The following PLPP1 variants were observed in gnomAD, a reference collection of about 807,000 sequenced individuals.
PLPP1 encodes the protein lipid phosphate phosphohydrolase 1a.
A neutral mutation model predicts 31.2 loss-of-function variants in PLPP1; 24 were observed. That is an observed-to-expected ratio of 0.77 (90% confidence interval 0.56 to 1.08). The LOEUF (loss-of-function observed/expected upper bound fraction) is 1.08, where lower values mean the gene tolerates loss of function less well. Among genes scored for constraint, PLPP1 ranks in the 50% least tolerant of loss-of-function variants. The pLI is 0.00. For synonymous variants in PLPP1, 146 were observed against 126.3 expected (o/e 1.16, Z -1.05); for missense variants, 319 against 342.7 (o/e 0.93, Z 0.55).
At chr5:55,487,438 C>A (rs796657929) in intron 1 of PLPP1, among the ~76,000 whole-genome samples, 48 of 148,000 alleles carry the variant, frequency 3.2e-4, no homozygotes, top group Non-Finnish European at 3.0e-4. Context: ...AACCCAAAAA[C>A]AAAAAAAAAA....
At chr5:55,493,001 A>G (rs1752927080) in intron 1 of PLPP1, among the ~76,000 whole-genome samples, 1 of 152,174 alleles carries the variant, frequency 6.6e-6, no homozygotes, top group African/African-American at 2.4e-5. Context: ...AGTATAATAC[A>G]TGTTGTGTTC....
intron 4 of PLPP1, among the ~76,000 whole-genome samples, chr5:55,432,136 G>T (rs1244554030): frequency 6.8e-6 from 1 of 147,660 alleles, no homozygotes; most frequent in Non-Finnish European, 1.5e-5. Context: ...TAGAGACAGG[G>T]TCTTGCTATG....
intron 1 of PLPP1, among the ~76,000 whole-genome samples, chr5:55,479,545 C>G (rs1379993432): frequency 6.6e-6 from 1 of 152,170 alleles, no homozygotes; most frequent in Non-Finnish European, 1.5e-5. Flanking sequence ...GCAAACAACA[C>G]TGAGCCATGT....
intron 1 of PLPP1, among the ~76,000 whole-genome samples, chr5:55,475,815 T>C (rs1752537530): frequency 6.6e-6 from 1 of 152,222 alleles, no homozygotes; most frequent in Non-Finnish European, 1.5e-5. Flanking sequence ...CAATTTTTCA[T>C]GGGCTTTGCT....
At chr5:55,530,888 G>A (rs1438855124) in intron 1 of PLPP1, among the ~76,000 whole-genome samples, 1 of 152,226 alleles carries the variant, frequency 6.6e-6, no homozygotes, top group East Asian at 1.9e-4. Context: ...GGGGATGGGG[G>A]AACAAGGCGA....
Position 55,425,248 on chromosome 5 carries a change from T to A in PLPP1, c.813A>T (p.Thr271=). The A allele has an allele frequency of 6.2e-7, 1 of 1,613,940 alleles. No homozygotes were observed. Among genetic ancestry groups the A allele is most frequent in the Non-Finnish European group, 8.5e-7 (1 of 1,179,926 alleles). Residue 271 remains threonine, a synonymous_variant, in exon 6 of 6, where the codon ACA becomes ACT. Transcript: ENST00000307259. ...EEDSHTTLHE[T]PTTGNHYPSN... is the part of the protein sequence containing the mutation. ...TCGGATAGTGATTCCCAGTTGTTGG[T>A]GTTTCATGCAGAGTTGTATGAGAGT...
At chr5:55,468,443 TAAAC>T (rs1752351624) in intron 2 of PLPP1, among the ~76,000 whole-genome samples, 1 of 152,000 alleles carries the variant, frequency 6.6e-6, no homozygotes, top group African/African-American at 2.4e-5. Flanking sequence ...TGTATTCAAA[TAAAC>T]AGAGCTTTAA....
chr5:55,491,010 C>T lies in PLPP1; in HGVS notation c.59-15560G>A, dbSNP rs760383847. On this transcript the variant is annotated intron_variant, in intron 1 of 5. Coordinates refer to ENST00000307259, the MANE Select transcript of PLPP1 (RefSeq NM_003711.4). ...ACTAGGATGAGGACAGTGGATGTGA[C>T]GGTACTGTCATGGTACGGATAGTTG... The T allele has an allele frequency of 8.1e-6, 13 of 1,613,156 alleles. No homozygotes were observed. The highest frequency in any genetic ancestry group is 3.3e-5 in the Admixed American group (2 of 59,990).
intron 1 of PLPP1, among the ~76,000 whole-genome samples, chr5:55,513,480 C>T (rs1416977881): frequency 6.6e-6 from 1 of 151,930 alleles, no homozygotes; most frequent in Non-Finnish European, 1.5e-5. Flanking sequence ...CCATGTTGTC[C>T]AGGCTGGTCT....
intron 1 of PLPP1, 38 bp from the exon 2 acceptor site, chr5:55,475,488 G>A: frequency 6.5e-7 from 1 of 1,527,910 alleles, no homozygotes; most frequent in Non-Finnish European, 8.9e-7. Flanking sequence ...CATTAAAAAA[G>A]AAATATCAAA....
At chr5:55,489,512 A>G (rs1044749389) in intron 1 of PLPP1, among the ~76,000 whole-genome samples, 5 of 152,170 alleles carry the variant, frequency 3.3e-5, no homozygotes, top group African/African-American at 1.2e-4. Flanking sequence ...TTCTCATTTT[A>G]CTCCCATAAA....
chr5:55,432,796 G>T (rs1751390020), intron 4 of PLPP1, among the ~76,000 whole-genome samples: 1 of 51,786 alleles, frequency 1.9e-5, no homozygotes. Context: ...ATCCCTTCAT[G>T]ATTTAAAAAA....
rs149466251 is a variant in PLPP1, at chr5:55,441,930, T to A, written c.492-22A>T. 4,611 of 1,608,732 alleles carry A rather than the reference T, an allele frequency of 2.9e-3. 124 individuals are homozygous for A. The Admixed American group carries it at 0.05, about 17-fold the overall frequency. ...CAACCTGGAAGAAAAAGAAGACAAA[T>A]GTTACTTTTCTCTCTTAGGAGCCAA... On this transcript the variant is annotated intron_variant, in intron 3 of 5. Coordinates refer to ENST00000307259, the MANE Select transcript of PLPP1 (RefSeq NM_003711.4).
At chr5:55,524,813 C>A (rs913984589) in intron 1 of PLPP1, among the ~76,000 whole-genome samples, 6 of 151,442 alleles carry the variant, frequency 4.0e-5, no homozygotes, top group African/African-American at 9.7e-5. Flanking sequence ...TACGTCCCCC[C>A]CCAAAAAAAA....
At chr5:55,475,146 G>A (rs1240529227) in intron 2 of PLPP1, among the ~76,000 whole-genome samples, 153 bp downstream of exon 2, 3 of 152,148 alleles carry the variant, frequency 2.0e-5, no homozygotes, top group African/African-American at 7.2e-5. Context: ...ACTTAAAATA[G>A]CTGAGATTCT....
At chr5:55,451,469 C>T (rs1751889386) in intron 3 of PLPP1, among the ~76,000 whole-genome samples, 1 of 152,100 alleles carries the variant, frequency 6.6e-6, no homozygotes, top group Non-Finnish European at 1.5e-5. Context: ...ACCTCCTATT[C>T]CTTTAAGATT....
At position 55,513,567 on chromosome 5, in the gene PLPP1, C is replaced by T. The variant is rs557943497; in HGVS notation, c.58+21005G>A. Among the ~76,000 whole-genome samples, 4 of 152,170 alleles carry T rather than the reference C, an allele frequency of 2.6e-5. No individual in the cohort carries two copies. In the East Asian group the frequency reaches 5.8e-4, roughly 22 times the overall value. On this transcript the variant is annotated intron_variant, in intron 1 of 5. Transcript: ENST00000307259. ...GATTACAGGCATGAGCCACTGCGCC[C>T]GGCCTATATTAACTCTTGAAGAAAG... is the stretch of plus-strand genomic sequence containing the variant.
chr5:55,492,798 T>C (rs1752922416), intron 1 of PLPP1, among the ~76,000 whole-genome samples: 1 of 152,242 alleles, frequency 6.6e-6, no homozygotes, highest in Admixed American at 6.5e-5. Context: ...TTTTTTCATA[T>C]AACGTTGTTG....
chr5:55,528,497 A>G (rs1022938018), intron 1 of PLPP1, among the ~76,000 whole-genome samples: 1 of 152,214 alleles, frequency 6.6e-6, no homozygotes, highest in Non-Finnish European at 1.5e-5. Flanking sequence ...GGTACTGGCC[A>G]CGAAGCTAGC....
Sources: gnomAD v4.1 joint callset for allele counts (sites outside exome capture counted in the v4.1 genomes callset) on GRCh38, gnomAD v4.1.1 for gene constraint, MANE v1.5 for transcripts, NCBI Gene and HGNC (gene_info 2026-07-23, HGNC 2026-07-21) for gene names.